MYH16: variants seen among roughly 807,000 people sequenced by gnomAD.
The protein encoded by MYH16 is putative uncharacterized protein MYH16.
chr7:99,277,394 C>A (rs1000667707), intron 20 of MYH16, 145 bp from the exon 3 acceptor site: 1 of 337,748 alleles, frequency 3.0e-6, no homozygotes, highest in Admixed American at 3.8e-5. Context: ...TGGAGAGGGA[C>A]CCCACCCGCA....
rs558810308 is a variant in MYH16 at position 99,285,458 on chromosome 7, C to A, written n.3373+20C>A. 45 of 456,690 alleles carry A rather than the reference C, an allele frequency of 9.9e-5. No individual in the cohort carries two copies. The highest frequency in any genetic ancestry group is 1.5e-4 in the Non-Finnish European group (34 of 226,966). The allele number at this position is 456,690 out of a possible 1,614,324, so 28.3% of individuals were successfully genotyped here. A position where few individuals can be genotyped will look rare whatever the true frequency, so the allele number is the denominator to read the frequency against. On this transcript the variant is annotated intron_variant and non_coding_transcript_variant, in intron 27 of 41. Transcript: ENST00000439784. ...GCCAAGGTAAATGAAATACGTTTCC[C>A]CTTCTTGAGTCAAAAGACCTAACGG...
chr7:99,240,616 C>T (rs918911920), intron 1 of MYH16, among the ~76,000 whole-genome samples: 1 of 152,054 alleles, frequency 6.6e-6, no homozygotes, highest in African/African-American at 2.4e-5. Context: ...TTTGGGAGGC[C>T]GATACAGGCA....
chr7:99,277,051 G>A (rs1792123564), intron 20 of MYH16, among the ~76,000 whole-genome samples: 1 of 119,288 alleles, frequency 8.4e-6, no homozygotes, highest in African/African-American at 6.1e-5. Flanking sequence ...CAGAGAGAGA[G>A]AGAGACACAG....
chr7:99,266,754 C>T (rs1424828542), intron 17 of MYH16: 1 of 152,642 alleles, frequency 6.6e-6, no homozygotes, highest in Non-Finnish European at 1.5e-5. Context: ...AATCTCTGTC[C>T]AAAGTCCATC....
intron 38 of MYH16, among the ~76,000 whole-genome samples, chr7:99,302,315 TATACACACAC>T (rs1562787986): frequency 4.1e-4 from 32 of 77,974 alleles, no homozygotes; most frequent in South Asian, 7.3e-4. Context: ...AAAAAAAATA[TATACACACAC>T]ACACACACAC....
At chr7:99,298,475 C>T (rs1447531678) in intron 36 of MYH16, among the ~76,000 whole-genome samples, 2 of 152,114 alleles carry the variant, frequency 1.3e-5, no homozygotes, top group Non-Finnish European at 2.9e-5. Context: ...TCAAGTGATC[C>T]GCCCACCTCA....
intron 23 of MYH16, among the ~76,000 whole-genome samples, chr7:99,282,461 C>A (rs534757370): frequency 4.0e-5 from 6 of 148,556 alleles, no homozygotes; most frequent in Admixed American, 6.6e-5. Flanking sequence ...CTGGTCATAA[C>A]ATTTTATTTT....
intron 7 of MYH16, chr7:99,252,897 A>C (rs1791827961): frequency 6.5e-6 from 1 of 153,196 alleles, no homozygotes; most frequent in South Asian, 2.1e-4. Flanking sequence ...CCCTCCTTGG[A>C]GGGTTTGTCT....
chr7:99,283,471 A>G (rs1302793551), intron 23 of MYH16, 94 bp from the exon 6 acceptor site: 1 of 431,492 alleles, frequency 2.3e-6, no homozygotes, highest in Admixed American at 2.5e-5. Context: ...AAAGCCTGGG[A>G]GCTGCATAGC....
chr7:99,242,437 A>C (rs1204858586), intron 1 of MYH16, among the ~76,000 whole-genome samples: 2 of 151,890 alleles, frequency 1.3e-5, no homozygotes, highest in Admixed American at 6.6e-5. Context: ...AGAGTTCAAG[A>C]CCAGCATAGG....
At chr7:99,284,408 T>C (rs1651839893) in intron 25 of MYH16, among the ~76,000 whole-genome samples, 2 of 152,000 alleles carry the variant, frequency 1.3e-5, no homozygotes, top group South Asian at 2.1e-4. Flanking sequence ...CTGGGCAACA[T>C]AGCAAGACCC....
At chr7:99,292,455 G>T in exon 32 of MYH16, 1 of 467,114 alleles carries the variant, frequency 2.1e-6, no homozygotes, top group South Asian at 1.5e-5. Flanking sequence ...CCACCTGGAG[G>T]ACCAAGTACG....
intron 20 of MYH16, among the ~76,000 whole-genome samples, chr7:99,274,402 G>A (rs1792083581): frequency 6.6e-6 from 1 of 152,330 alleles, no homozygotes; most frequent in East Asian, 1.9e-4. Flanking sequence ...GAGTCATCTC[G>A]GGTGGCCCTG....
chr7:99,262,352 G>A (rs1440057580), intron 13 of MYH16, among the ~76,000 whole-genome samples: 1 of 152,200 alleles, frequency 6.6e-6, no homozygotes, highest in Non-Finnish European at 1.5e-5. Context: ...CAGGGCCAAG[G>A]CTTTATGATA....
chr7:99,276,905 G>A (rs997392302), intron 20 of MYH16, among the ~76,000 whole-genome samples: 4 of 151,804 alleles, frequency 2.6e-5, no homozygotes, highest in African/African-American at 7.3e-5. Flanking sequence ...GAGAGACAGA[G>A]ATAAGAGAGA....
intron 17 of MYH16, among the ~76,000 whole-genome samples, chr7:99,265,903 T>C (rs1791982680): frequency 6.6e-6 from 1 of 152,212 alleles, no homozygotes; most frequent in South Asian, 2.1e-4. Context: ...TGCCAGCCCC[T>C]GCATTTCTCA....
chr7:99,281,637 T>C (rs1195341110), intron 23 of MYH16, among the ~76,000 whole-genome samples: 5 of 152,100 alleles, frequency 3.3e-5, no homozygotes, highest in African/African-American at 1.2e-4. Flanking sequence ...ACTGGAGTGG[T>C]AGGGGTGGAG....
At chr7:99,267,379 C>T (rs1318741877) in intron 18 of MYH16, among the ~76,000 whole-genome samples, 4 of 152,178 alleles carry the variant, frequency 2.6e-5, no homozygotes, top group Admixed American at 1.3e-4. Flanking sequence ...AAGGCATACA[C>T]CATCACACCC....
downstream of MYH16, among the ~76,000 whole-genome samples, chr7:99,308,350 C>T (rs1792710651): frequency 6.7e-6 from 1 of 150,138 alleles, no homozygotes; most frequent in East Asian, 2.0e-4. Context: ...GGCTTGATCC[C>T]CGGGGAGTAG....
Sources: allele counts gnomAD v4.1 joint callset (sites outside exome capture counted in the v4.1 genomes callset), GRCh38; gene constraint gnomAD v4.1.1; transcripts MANE v1.5; gene names NCBI Gene and HGNC (gene_info 2026-07-23, HGNC 2026-07-21).